Variants in GPC6 observed in about 807,000 individuals in gnomAD.
GPC6 encodes the protein glypican 6.
GPC6 carries 14 observed loss-of-function variants against 55.2 expected under a neutral mutation model. The observed-to-expected ratio is 0.25, with a 90% CI of 0.17 to 0.40. GPC6 has a LOEUF of 0.40. Among genes scored for constraint, GPC6 ranks in the 10% least tolerant of loss-of-function variants. The pLI, the probability that GPC6 is intolerant of heterozygous loss-of-function variation, is 1.00. For missense variants in GPC6, 641 were observed against 708.5 expected (o/e 0.90, Z 1.08); for synonymous variants, 278 against 259.6 (o/e 1.07, Z -0.68).
chr13:94,001,296 A>C (rs1881788703), intron 3 of GPC6, among the ~76,000 whole-genome samples: 1 of 152,152 alleles, frequency 6.6e-6, no homozygotes. Context: ...ACCTAGCATT[A>C]TTTTTATTAT....
chr13:94,229,990 T>C (rs1890671431), intron 4 of GPC6, among the ~76,000 whole-genome samples: 1 of 152,038 alleles, frequency 6.6e-6, no homozygotes, highest in Non-Finnish European at 1.5e-5. Context: ...CCAGGGATGG[T>C]GTGGTAGCAG....
intron 4 of GPC6, among the ~76,000 whole-genome samples, chr13:94,116,597 A>T (rs991233907): frequency 6.6e-6 from 1 of 152,108 alleles, no homozygotes; most frequent in Admixed American, 6.6e-5. Flanking sequence ...ACAATAATTG[A>T]TCATTTCCCA....
intron 2 of GPC6, among the ~76,000 whole-genome samples, chr13:93,749,505 C>T (rs1884506459): frequency 6.6e-6 from 1 of 151,784 alleles, no homozygotes; most frequent in Admixed American, 6.6e-5. Flanking sequence ...AGGTCTTTTA[C>T]AACACAATCT....
chr13:93,608,138 G>C (rs1223394807), intron 2 of GPC6, among the ~76,000 whole-genome samples: 1 of 152,068 alleles, frequency 6.6e-6, no homozygotes, highest in Non-Finnish European at 1.5e-5. Flanking sequence ...TCAGAAGGCA[G>C]AGTCCAAGTT....
intron 4 of GPC6, among the ~76,000 whole-genome samples, chr13:94,143,771 C>T (rs1051891507): frequency 5.3e-5 from 8 of 152,124 alleles, no homozygotes; most frequent in African/African-American, 1.9e-4. Flanking sequence ...GTCCCAGCTA[C>T]CTGGGAGGCT....
chr13:93,809,133 G>C (rs927565852), intron 2 of GPC6, among the ~76,000 whole-genome samples: 9 of 152,172 alleles, frequency 5.9e-5, no homozygotes, highest in African/African-American at 2.2e-4. Context: ...TATCAGTCTT[G>C]TAACTACCTG....
chr13:93,460,659 G>C (rs1013533712), intron 1 of GPC6, among the ~76,000 whole-genome samples: 4 of 152,014 alleles, frequency 2.6e-5, no homozygotes, highest in Admixed American at 2.0e-4. Flanking sequence ...TAATTATCTA[G>C]ACATGAAAGT....
intron 1 of GPC6, among the ~76,000 whole-genome samples, chr13:93,481,056 T>A (rs2139341466): frequency 6.6e-6 from 1 of 152,288 alleles, no homozygotes; most frequent in Non-Finnish European, 1.5e-5. Flanking sequence ...TCAGTGCTAC[T>A]AGCAATGCAT....
At chr13:93,998,770 G>GTATA (rs372041742) in intron 3 of GPC6, among the ~76,000 whole-genome samples, 3 of 151,388 alleles carry the variant, frequency 2.0e-5, no homozygotes, top group Non-Finnish European at 4.4e-5. Flanking sequence ...ATATATGTGT[G>GTATA]TATATATATA....
At chr13:93,990,826 G>A (rs1299073997) in intron 3 of GPC6, among the ~76,000 whole-genome samples, 1 of 151,158 alleles carries the variant, frequency 6.6e-6, no homozygotes, top group Non-Finnish European at 1.5e-5. Context: ...TCATGCCACT[G>A]CATTCCAGCC....
intron 2 of GPC6, among the ~76,000 whole-genome samples, chr13:93,690,115 G>T (rs1303867530): frequency 1.3e-5 from 2 of 152,064 alleles, no homozygotes; most frequent in Non-Finnish European, 2.9e-5. Flanking sequence ...TGGAAAACTT[G>T]CTTTTAACTC....
At chr13:93,926,859 T>C (rs777984692) in intron 3 of GPC6, among the ~76,000 whole-genome samples, 3 of 152,132 alleles carry the variant, frequency 2.0e-5, no homozygotes, top group Non-Finnish European at 4.4e-5. Context: ...CTAGGGCAAA[T>C]GTTTGAGTCA....
At chr13:93,948,355 A>G (rs1879106826) in intron 3 of GPC6, among the ~76,000 whole-genome samples, 1 of 152,166 alleles carries the variant, frequency 6.6e-6, no homozygotes, top group African/African-American at 2.4e-5. Context: ...TTGCTTAACA[A>G]ATGTTTTCTT....
intron 1 of GPC6, among the ~76,000 whole-genome samples, chr13:93,259,470 C>T (rs890756834): frequency 6.6e-6 from 1 of 152,146 alleles, no homozygotes; most frequent in Non-Finnish European, 1.5e-5. Flanking sequence ...ATATGATCCT[C>T]ATATAGGGTA....
chr13:94,093,371 G>A (rs189065359), intron 4 of GPC6, among the ~76,000 whole-genome samples: 213 of 151,942 alleles, frequency 1.4e-3, no homozygotes, highest in African/African-American at 4.1e-3. Flanking sequence ...TTTCCTTTTC[G>A]CATTGTGTAT....
chr13:93,521,596 C>T (rs562038471), intron 1 of GPC6, among the ~76,000 whole-genome samples: 83 of 151,892 alleles, frequency 5.5e-4, no homozygotes, highest in Non-Finnish European at 9.0e-4. Context: ...AAGGAGGGTG[C>T]CCCATGGGCT....
chr13:94,084,211 A>G (rs1885204587), intron 4 of GPC6, among the ~76,000 whole-genome samples: 1 of 152,202 alleles, frequency 6.6e-6, no homozygotes, highest in African/African-American at 2.4e-5. Flanking sequence ...ACATAAATCC[A>G]GAGAAACAAT....
chr13:93,361,388 C>T (rs1271879295), intron 1 of GPC6, among the ~76,000 whole-genome samples: 1 of 152,140 alleles, frequency 6.6e-6, no homozygotes, highest in Admixed American at 6.6e-5. Flanking sequence ...TTCCCACAAA[C>T]CCCTAAGATG....
chr13:93,298,009 C>T (rs1878552326), intron 1 of GPC6, among the ~76,000 whole-genome samples: 1 of 152,172 alleles, frequency 6.6e-6, no homozygotes, highest in Non-Finnish European at 1.5e-5. Flanking sequence ...CTAGACTAAT[C>T]TTCCCTTCCT....
Sources: gnomAD v4.1 joint callset for allele counts (sites outside exome capture counted in the v4.1 genomes callset) on GRCh38, gnomAD v4.1.1 for gene constraint, MANE v1.5 for transcripts, NCBI Gene and HGNC (gene_info 2026-07-23, HGNC 2026-07-21) for gene names.